The following USP15 variants were observed in gnomAD, a reference collection of about 807,000 sequenced individuals.
USP15 encodes the protein ubiquitin carboxyl-terminal hydrolase 15.
A neutral mutation model predicts 127.1 loss-of-function variants in USP15; 18 were observed. The ratio of observed to expected loss-of-function variants is 0.14; its 90% CI spans 0.10 to 0.21. The LOEUF is 0.21. USP15 is among the 10% of genes least tolerant of loss of function. USP15 has a pLI of 1.00. For missense variants in USP15, 805 were observed against 1,159.9 expected (o/e 0.69, Z 4.44); for synonymous variants, 364 against 393.7 (o/e 0.92, Z 0.89).
intron 8 of USP15, among the ~76,000 whole-genome samples, chr12:62,367,441 A>G (rs192521930): frequency 0.012 from 1,764 of 152,112 alleles, 23 homozygotes; most frequent in South Asian, 0.027. Context: ...GTTAGCCAGG[A>G]TGGTCTCGAT....
At chr12:62,343,955 C>G (rs2065731516) in intron 6 of USP15, among the ~76,000 whole-genome samples, 1 of 152,134 alleles carries the variant, frequency 6.6e-6, no homozygotes, top group Non-Finnish European at 1.5e-5. Context: ...TCATCTCCCA[C>G]AAGGCCCATC....
At chr12:62,284,368 T>TA (rs2063733401) in intron 1 of USP15, among the ~76,000 whole-genome samples, 2 of 152,194 alleles carry the variant, frequency 1.3e-5, no homozygotes, top group East Asian at 3.8e-4. Flanking sequence ...TCACAAATCT[T>TA]AAATTCCACA....
In USP15 at chr12:62,405,356, T is replaced by A. The variant is rs1445634291; in HGVS notation, c.*981T>A. ...TTTAAATCATTAATGGACAATTGGC[T>A]ATAAAGGTAGGTCTGTTAACTTTCT... On this transcript the variant is annotated 3_prime_UTR_variant, in exon 22 of 22. Transcript: ENST00000280377. 1 of 152,370 alleles carries A rather than the reference T, an allele frequency of 6.6e-6. No individual in the cohort carries two copies. The highest frequency in any genetic ancestry group is 1.5e-5 in the Non-Finnish European group (1 of 67,996). 9.4% of individuals were successfully genotyped at this position (152,370 alleles called of 1,614,324 possible).
At chr12:62,295,786 G>A (rs544196837) in intron 2 of USP15, among the ~76,000 whole-genome samples, 1 of 152,288 alleles carries the variant, frequency 6.6e-6, no homozygotes, top group East Asian at 1.9e-4. Context: ...AACACAGATA[G>A]ATTAAGATAT....
chr12:62,304,953 C>A, intron 3 of USP15: 1 of 219,980 alleles, frequency 4.5e-6, no homozygotes, highest in Non-Finnish European at 9.3e-6. Context: ...AATTATTAGA[C>A]CAAACAGAAC....
intron 1 of USP15, among the ~76,000 whole-genome samples, chr12:62,264,010 A>G (rs1277690394): frequency 6.6e-6 from 1 of 152,214 alleles, no homozygotes; most frequent in Non-Finnish European, 1.5e-5. Flanking sequence ...AGTTTTTGAA[A>G]CAGAGTCTCG....
At chr12:62,275,709 G>A (rs1026897373) in intron 1 of USP15, among the ~76,000 whole-genome samples, 3 of 152,102 alleles carry the variant, frequency 2.0e-5, no homozygotes, top group Admixed American at 2.0e-4. Context: ...AAGGAAATTA[G>A]ATCCACAGCA....
intron 8 of USP15, among the ~76,000 whole-genome samples, chr12:62,364,356 T>A (rs60606440): frequency 0.021 from 3,272 of 152,230 alleles, 109 homozygotes; most frequent in African/African-American, 0.075. Flanking sequence ...TTGGAGATCA[T>A]CAATTCAGAA....
intron 11 of USP15, among the ~76,000 whole-genome samples, chr12:62,388,116 GA>G (rs1229129682): frequency 4.7e-5 from 6 of 127,226 alleles, no homozygotes; most frequent in Non-Finnish European, 3.2e-5. Context: ...GAATGGTGAA[GA>G]TTTTTTTTTT....
chr12:62,273,444 TC>T (rs1186191766), intron 1 of USP15, among the ~76,000 whole-genome samples: 4 of 152,116 alleles, frequency 2.6e-5, no homozygotes, highest in African/African-American at 9.7e-5. Context: ...ATGAATGAAT[TC>T]CCATTTCTAA....
chr12:62,306,378 G>C (rs369677844), intron 3 of USP15, among the ~76,000 whole-genome samples: 1 of 152,114 alleles, frequency 6.6e-6, no homozygotes, highest in Non-Finnish European at 1.5e-5. Context: ...AACTTTAAGA[G>C]TATCAATGAA....
At chr12:62,397,082 T>A (rs1038600187) in intron 20 of USP15, among the ~76,000 whole-genome samples, 1 of 152,030 alleles carries the variant, frequency 6.6e-6, no homozygotes, top group Non-Finnish European at 1.5e-5. Context: ...TGTTGAACAG[T>A]ATTTACATTC....
chr12:62,322,164 G>T (rs1220617956), intron 5 of USP15, among the ~76,000 whole-genome samples: 1 of 152,160 alleles, frequency 6.6e-6, no homozygotes, highest in Admixed American at 6.5e-5. Context: ...GTCTCACTCT[G>T]TTGCCCAGGC....
At chr12:62,369,531 A>C (rs757132989) in intron 8 of USP15, among the ~76,000 whole-genome samples, 42 of 151,578 alleles carry the variant, frequency 2.8e-4, no homozygotes, top group Non-Finnish European at 4.6e-4. Flanking sequence ...GCTTTTTCAC[A>C]CATGTGCCAG....
intron 6 of USP15, among the ~76,000 whole-genome samples, chr12:62,346,398 A>G (rs1046156904): frequency 2.4e-4 from 36 of 152,188 alleles, no homozygotes; most frequent in Non-Finnish European, 4.4e-5. Flanking sequence ...TATCAGTGCC[A>G]ATATCCACTC....
At chr12:62,268,154 A>T (rs1403047689) in intron 1 of USP15, among the ~76,000 whole-genome samples, 1 of 152,080 alleles carries the variant, frequency 6.6e-6, no homozygotes, top group East Asian at 1.9e-4. Flanking sequence ...TAATATATTT[A>T]TTCCAAATAT....
chr12:62,292,413 G>A (rs1460259882), intron 1 of USP15, among the ~76,000 whole-genome samples: 1 of 152,244 alleles, frequency 6.6e-6, no homozygotes, highest in African/African-American at 2.4e-5. Context: ...ACTCTAGGCA[G>A]AGAGTGGGAC....
At chr12:62,333,075 G>A (rs12318287) in intron 6 of USP15, among the ~76,000 whole-genome samples, 34,092 of 152,010 alleles carry the variant, frequency 0.22, 4,168 homozygotes, top group African/African-American at 0.34. Flanking sequence ...TTATAACTGC[G>A]AAGCAGCTAA....
chr12:62,316,804 A>G (rs1435559240), intron 4 of USP15, among the ~76,000 whole-genome samples: 14 of 152,084 alleles, frequency 9.2e-5, no homozygotes, highest in Admixed American at 5.9e-4. Flanking sequence ...GGTTCTCATG[A>G]TAAGAACTGT....
Sources: allele counts gnomAD v4.1 joint callset (sites outside exome capture counted in the v4.1 genomes callset), GRCh38; gene constraint gnomAD v4.1.1; transcripts MANE v1.5; gene names NCBI Gene and HGNC (gene_info 2026-07-23, HGNC 2026-07-21).